The following CDH12 variants were observed in gnomAD, a reference collection of about 807,000 sequenced individuals.
CDH12 encodes cadherin 12, also known as cadherin-12.
In CDH12, 41 loss-of-function variants were observed where a neutral mutation model predicts 74.1. That is an observed-to-expected ratio of 0.55 (90% CI 0.43 to 0.72). The LOEUF (loss-of-function observed/expected upper bound fraction) is 0.72. Among genes scored for constraint, CDH12 ranks in the 30% least tolerant of loss-of-function variants. The pLI is 0.00. For missense variants in CDH12, 945 were observed against 977.2 expected (o/e 0.97, Z 0.44); for synonymous variants, 399 against 355.0 (o/e 1.12, Z -1.39).
At chr5:22,014,958 T>C (rs1277039325) in intron 5 of CDH12, among the ~76,000 whole-genome samples, 1 of 152,144 alleles carries the variant, frequency 6.6e-6, no homozygotes, top group Non-Finnish European at 1.5e-5. Flanking sequence ...TAAGGCCTAG[T>C]TGATGTAACA....
intron 1 of CDH12, among the ~76,000 whole-genome samples, chr5:22,799,213 C>T (rs1001568623): frequency 1.3e-5 from 2 of 152,024 alleles, no homozygotes; most frequent in Non-Finnish European, 2.9e-5. Flanking sequence ...TTTTTCCTCT[C>T]TGTGTAGAAA....
intron 3 of CDH12, among the ~76,000 whole-genome samples, chr5:22,214,867 G>A (rs1269910360): frequency 1.3e-5 from 2 of 152,150 alleles, no homozygotes; most frequent in Admixed American, 1.3e-4. Context: ...TCAAAACCCT[G>A]AATGGTTTCT....
intron 5 of CDH12, among the ~76,000 whole-genome samples, chr5:22,025,579 C>T (rs1320017281): frequency 6.6e-6 from 1 of 152,126 alleles, no homozygotes; most frequent in Non-Finnish European, 1.5e-5. Flanking sequence ...GCTGGGTTGG[C>T]TGCAGTGTTA....
intron 1 of CDH12, among the ~76,000 whole-genome samples, chr5:22,537,756 A>G (rs1488141037): frequency 2.0e-5 from 3 of 152,228 alleles, no homozygotes; most frequent in Non-Finnish European, 4.4e-5. Flanking sequence ...GAAATTGTCC[A>G]GAAGCCCCTC....
intron 2 of CDH12, among the ~76,000 whole-genome samples, chr5:22,457,333 G>A (rs1458442156): frequency 2.0e-5 from 3 of 152,036 alleles, no homozygotes; most frequent in African/African-American, 7.2e-5. Flanking sequence ...TCTGAAGTTG[G>A]TTGGAGAGAA....
At chr5:21,835,597 G>A (rs545851588) in intron 8 of CDH12, among the ~76,000 whole-genome samples, 1 of 151,880 alleles carries the variant, frequency 6.6e-6, no homozygotes, top group African/African-American at 2.4e-5. Flanking sequence ...CTTAAGCCTA[G>A]TAGCTTACCA....
intron 2 of CDH12, among the ~76,000 whole-genome samples, chr5:22,456,873 G>T (rs1745296460): frequency 6.6e-6 from 1 of 151,942 alleles, no homozygotes; most frequent in Admixed American, 6.6e-5. Context: ...CACAACAAAA[G>T]ATCAAAAAGA....
intron 2 of CDH12, among the ~76,000 whole-genome samples, chr5:22,489,990 T>C (rs937378364): frequency 1.8e-4 from 27 of 152,182 alleles, no homozygotes; most frequent in African/African-American, 6.3e-4. Context: ...GTCTTGGAAA[T>C]GTATGACAAG....
intron 3 of CDH12, among the ~76,000 whole-genome samples, chr5:22,404,656 T>C (rs143733880): frequency 6.6e-6 from 1 of 152,280 alleles, no homozygotes; most frequent in Non-Finnish European, 1.5e-5. Context: ...TGATATATTG[T>C]AAGCTACAAT....
At chr5:21,979,986 G>A (rs1757238356) in intron 5 of CDH12, among the ~76,000 whole-genome samples, 1 of 151,456 alleles carries the variant, frequency 6.6e-6, no homozygotes, top group Admixed American at 6.6e-5. Context: ...ATTCTAACTG[G>A]TGTGAGATGG....
intron 2 of CDH12, among the ~76,000 whole-genome samples, chr5:22,495,581 T>TAC (rs1057212401): frequency 2.0e-5 from 3 of 151,930 alleles, no homozygotes; most frequent in East Asian, 1.9e-4. Context: ...AAGATATATA[T>TAC]ACACACACAC....
At chr5:22,811,160 TACAC>T (rs578256042) in intron 1 of CDH12, among the ~76,000 whole-genome samples, 1 of 151,700 alleles carries the variant, frequency 6.6e-6, no homozygotes, top group Non-Finnish European at 1.5e-5. Flanking sequence ...CATATATATA[TACAC>T]ACACACATAT....
At chr5:22,049,060 C>T (rs1005859430) in intron 5 of CDH12, among the ~76,000 whole-genome samples, 9 of 151,950 alleles carry the variant, frequency 5.9e-5, no homozygotes, top group Non-Finnish European at 8.8e-5. Context: ...ATCTCTAGAG[C>T]GACTAGCATA....
chr5:22,181,180 C>T (rs1749625548), intron 4 of CDH12, among the ~76,000 whole-genome samples: 1 of 152,092 alleles, frequency 6.6e-6, no homozygotes, highest in Non-Finnish European at 1.5e-5. Context: ...CTCTAATTTC[C>T]CTTCAAATTC....
chr5:22,166,014 G>T (rs1748661914), intron 4 of CDH12, among the ~76,000 whole-genome samples: 1 of 152,188 alleles, frequency 6.6e-6, no homozygotes, highest in African/African-American at 2.4e-5. Flanking sequence ...TTATGGAGAA[G>T]CCATTCTTTT....
At position 22,619,679 on chromosome 5, in the gene CDH12, G is replaced by A. The variant is rs537613060; in HGVS notation, c.-522-114315C>T. Among the ~76,000 whole-genome samples the A allele has an allele frequency of 5.9e-5, 9 of 151,514 alleles. No individual in the cohort carries two copies. In the South Asian group the frequency reaches 6.3e-4, roughly 11 times the overall value. On this transcript the variant is annotated intron_variant, in intron 1 of 14. Coordinates refer to ENST00000382254, the MANE Select transcript of CDH12 (RefSeq NM_004061.5). ...AGCTCCCATTCTCCTTCTGAATGAGGCTTCTCTTGATACATTGAGCCCTAC... is the reference window on the plus strand; with the variant it reads ...AGCTCCCATTCTCCTTCTGAATGAGACTTCTCTTGATACATTGAGCCCTAC...
At chr5:21,801,924 G>T (rs1192609548) in intron 10 of CDH12, among the ~76,000 whole-genome samples, 1 of 152,132 alleles carries the variant, frequency 6.6e-6, no homozygotes, top group Non-Finnish European at 1.5e-5. Context: ...TGAGTGACAT[G>T]AGAATCAGAC....
At chr5:21,919,341 C>T (rs1375134887) in intron 6 of CDH12, among the ~76,000 whole-genome samples, 1 of 151,844 alleles carries the variant, frequency 6.6e-6, no homozygotes, top group Non-Finnish European at 1.5e-5. Context: ...TATTATGTAC[C>T]AAAACTCAAA....
intron 3 of CDH12, among the ~76,000 whole-genome samples, chr5:22,234,232 A>G (rs1752483995): frequency 6.6e-6 from 1 of 152,176 alleles, no homozygotes; most frequent in African/African-American, 2.4e-5. Flanking sequence ...AGTTATACCT[A>G]TACTGCCTGA....
Sources: allele counts gnomAD v4.1 joint callset (sites outside exome capture counted in the v4.1 genomes callset), GRCh38; gene constraint gnomAD v4.1.1; transcripts MANE v1.5; gene names NCBI Gene and HGNC (gene_info 2026-07-23, HGNC 2026-07-21).